SNAPC3: variants seen among roughly 807,000 people sequenced by gnomAD.
SNAPC3 encodes the protein snRNA-activating protein complex subunit 3.
Under a neutral mutation model 47.7 loss-of-function variants are expected in SNAPC3, and 56 were observed. That is an observed-to-expected ratio of 1.18 (90% CI 0.95 to 1.47). The LOEUF is 1.47. Ranked by LOEUF, SNAPC3 falls within the 40% of genes most tolerant of loss-of-function variation. SNAPC3 has a pLI of 0.00. For synonymous variants in SNAPC3, 235 were observed against 189.9 expected (o/e 1.24, Z -1.95); for missense variants, 665 against 511.3 (o/e 1.30, Z -2.90).
chr9:15,433,492 T>C (rs1331147760), intron 2 of SNAPC3, 60 bp from the exon 3 acceptor site: 30 of 1,038,102 alleles, frequency 2.9e-5, no homozygotes, highest in Non-Finnish European at 4.2e-5. Context: ...AATATGTTTT[T>C]GAAGCCCGAA....
chr9:15,457,908 T>C, intron 7 of SNAPC3, 52 bp from the exon 8 acceptor site: 1 of 1,023,474 alleles, frequency 9.8e-7, no homozygotes. Flanking sequence ...TCATAAAAAT[T>C]TGTCACTTAA....
At chr9:15,440,020 C>T (rs1218957435) in intron 3 of SNAPC3, among the ~76,000 whole-genome samples, 23 of 152,140 alleles carry the variant, frequency 1.5e-4, no homozygotes, top group South Asian at 2.1e-4. Context: ...CATTGTTGAA[C>T]ATTTGTGTCA....
chr9:15,452,824 T>C (rs1209023582), intron 6 of SNAPC3, among the ~76,000 whole-genome samples: 1 of 152,260 alleles, frequency 6.6e-6, no homozygotes, highest in Non-Finnish European at 1.5e-5. Context: ...GCTAAAGTGA[T>C]GCACATCATG....
At chr9:15,444,918 C>G (rs1052558821) in intron 4 of SNAPC3, among the ~76,000 whole-genome samples, 3 of 152,106 alleles carry the variant, frequency 2.0e-5, no homozygotes, top group Non-Finnish European at 4.4e-5. Context: ...ACAGTGAGAC[C>G]TTGTCTCTAC....
intron 3 of SNAPC3, among the ~76,000 whole-genome samples, chr9:15,443,889 C>T (rs2033716672): frequency 6.6e-6 from 1 of 152,234 alleles, no homozygotes; most frequent in South Asian, 2.1e-4. Context: ...CGTCATCAAA[C>T]ACTCCCCTGA....
chr9:15,445,806 A>G (rs1435007269), intron 4 of SNAPC3, among the ~76,000 whole-genome samples: 1 of 152,044 alleles, frequency 6.6e-6, no homozygotes, highest in African/African-American at 2.4e-5. Flanking sequence ...AAAACTAGCT[A>G]GGTGTGGTGG....
chr9:15,457,510 G>T (rs923663151), intron 7 of SNAPC3, among the ~76,000 whole-genome samples: 8 of 152,152 alleles, frequency 5.3e-5, no homozygotes, highest in African/African-American at 1.9e-4. Context: ...TGGGAGGACT[G>T]CTTGAGCACA....
At chr9:15,447,981 A>G (rs1002513900) in intron 5 of SNAPC3, among the ~76,000 whole-genome samples, 9 of 152,280 alleles carry the variant, frequency 5.9e-5, no homozygotes, top group African/African-American at 1.4e-4. Flanking sequence ...TTACCTAATA[A>G]AGCAGGAGGG....
chr9:15,454,803 G>A (rs998273876), intron 7 of SNAPC3, among the ~76,000 whole-genome samples: 1 of 152,124 alleles, frequency 6.6e-6, no homozygotes, highest in Non-Finnish European at 1.5e-5. Flanking sequence ...GCGTGGTGGT[G>A]GGCACCTGTA....
In SNAPC3 at chr9:15,461,387, C is replaced by T. The variant is rs2035211270; in HGVS notation, c.*1521C>T. 1 of 152,174 alleles carries T rather than the reference C, an allele frequency of 6.6e-6. No homozygotes were observed. Among genetic ancestry groups the T allele is most frequent in the African/African-American group, 2.4e-5 (1 of 41,432 alleles). 9.4% of individuals were successfully genotyped at this position (152,174 alleles called of 1,614,324 possible). ...ATGTTGCGCAGAATAGTCTCGAACT[C>T]CTGACCTCAAGTGATCCATCCGCCT... On this transcript the variant is annotated 3_prime_UTR_variant, in exon 9 of 9. Coordinates refer to ENST00000380821, the MANE Select transcript of SNAPC3 (RefSeq NM_001039697.2).
At position 15,433,650 on chromosome 9, in the gene SNAPC3, T is replaced by C. The variant is rs1359804779; in HGVS notation, c.477+14T>C. ...GTTTATGAGATGGTAATTAAGAGTCTCATCTTTTTCACCCTTTTCTCTTAA... is the reference window on the plus strand; with the variant it reads ...GTTTATGAGATGGTAATTAAGAGTCCCATCTTTTTCACCCTTTTCTCTTAA... On this transcript the variant is annotated intron_variant, in intron 3 of 8. Transcript: ENST00000380821. 2 of 1,484,792 alleles carry C rather than the reference T, an allele frequency of 1.3e-6. No individual in the cohort carries two copies. The highest frequency in any genetic ancestry group is 2.3e-5 in the South Asian group (2 of 87,308). 92.0% of individuals were successfully genotyped at this position (1,484,792 alleles called of 1,614,324 possible).
intron 5 of SNAPC3, among the ~76,000 whole-genome samples, chr9:15,450,468 C>T (rs950491390): frequency 1.3e-4 from 20 of 152,114 alleles, no homozygotes; most frequent in Non-Finnish European, 2.5e-4. Flanking sequence ...TGTAAGACAT[C>T]GTGGCAGATA....
At chr9:15,447,370 C>CAG (rs2034024563) in intron 5 of SNAPC3, 126 bp downstream of exon 5, 5 of 434,776 alleles carry the variant, frequency 1.2e-5, no homozygotes, top group East Asian at 7.3e-5. Context: ...TCAAACTACA[C>CAG]TATCTCATTC....
intron 2 of SNAPC3, among the ~76,000 whole-genome samples, chr9:15,424,509 A>G (rs1382690051): frequency 1.3e-5 from 2 of 152,154 alleles, no homozygotes; most frequent in East Asian, 3.8e-4. Context: ...TACTATAAAA[A>G]GAATTACTAG....
chr9:15,445,568 A>C (rs902211743), intron 4 of SNAPC3, among the ~76,000 whole-genome samples: 3 of 151,786 alleles, frequency 2.0e-5, no homozygotes, highest in African/African-American at 7.3e-5. Flanking sequence ...TTGAAATATT[A>C]ATATATATAT....
Position 15,459,866 on chromosome 9 carries a change from A to G in SNAPC3, c.1236A>G (p.Ter412=). ...YPYVDPGTFN[*] ...ATGTTGATCCTGGAACCTTTAATTAAGAATAGCTACACTCACAAAAATACC... is the reference window on the plus strand; with the variant it reads ...ATGTTGATCCTGGAACCTTTAATTAGGAATAGCTACACTCACAAAAATACC... The change falls in exon 9 of 9, where the codon TAA becomes TAG. Residue 412 remains the stop codon, a stop_retained_variant. Transcript: ENST00000380821. The G allele has an allele frequency of 6.2e-7, 1 of 1,607,798 alleles. No individual in the cohort carries two copies.
At chr9:15,447,423 T>A (rs1024308375) in intron 5 of SNAPC3, among the ~76,000 whole-genome samples, 179 bp downstream of exon 5, 4 of 152,192 alleles carry the variant, frequency 2.6e-5, no homozygotes, top group African/African-American at 9.7e-5. Context: ...GAGGCTAGAC[T>A]CTGTTTTGAT....
intron 8 of SNAPC3, among the ~76,000 whole-genome samples, chr9:15,458,962 G>GA (rs560477641): frequency 2.0e-5 from 3 of 152,164 alleles, no homozygotes; most frequent in Admixed American, 6.5e-5. Flanking sequence ...TTAAAAATCT[G>GA]AAAAAAATCT....
chr9:15,437,371 T>C (rs1367177480), intron 3 of SNAPC3, among the ~76,000 whole-genome samples: 1 of 152,144 alleles, frequency 6.6e-6, no homozygotes, highest in Non-Finnish European at 1.5e-5. Context: ...TAGCTGGGAC[T>C]ACAGGCGCCC....
Sources: allele counts gnomAD v4.1 joint callset (sites outside exome capture counted in the v4.1 genomes callset), GRCh38; gene constraint gnomAD v4.1.1; transcripts MANE v1.5; gene names NCBI Gene and HGNC (gene_info 2026-07-23, HGNC 2026-07-21).